The following SCOC variants were observed in gnomAD, a reference collection of about 807,000 sequenced individuals.
The protein encoded by SCOC is short coiled-coil protein, also known as short coiled coil protein.
In SCOC, 7 loss-of-function variants were observed where a neutral mutation model predicts 9.9. The ratio of observed to expected loss-of-function variants is 0.71; its 90% CI spans 0.40 to 1.33. The LOEUF (loss-of-function observed/expected upper bound fraction) is 1.33. Ranked by LOEUF, SCOC falls within the 40% of genes most tolerant of loss-of-function variation. The pLI is 0.01. For synonymous variants in SCOC, 19 were observed against 28.2 expected (o/e 0.67, Z 1.03); for missense variants, 66 against 89.7 (o/e 0.74, Z 1.07).
At chr4:140,286,878 T>C (rs1731286918) in intron 1 of SCOC, among the ~76,000 whole-genome samples, 1 of 152,040 alleles carries the variant, frequency 6.6e-6, no homozygotes, top group Admixed American at 6.5e-5. Context: ...GGGAGGAAAG[T>C]GAGAGAAAGA....
chr4:140,267,759 TC>T (rs1371607906), intron 1 of SCOC, among the ~76,000 whole-genome samples: 1 of 152,122 alleles, frequency 6.6e-6, no homozygotes, highest in Non-Finnish European at 1.5e-5. Context: ...GGTGTCAGCT[TC>T]CTGTCTTTGC....
intron 1 of SCOC, among the ~76,000 whole-genome samples, chr4:140,272,608 C>A (rs1202613057): frequency 6.6e-6 from 1 of 152,188 alleles, no homozygotes; most frequent in East Asian, 1.9e-4. Context: ...ACTGGTATAT[C>A]CACAGCGCCT....
chr4:140,292,343 C>G (rs1213385216), intron 1 of SCOC, among the ~76,000 whole-genome samples: 2 of 152,050 alleles, frequency 1.3e-5, no homozygotes, highest in Non-Finnish European at 2.9e-5. Flanking sequence ...TGCGTGCCAC[C>G]ATGCCCAGCT....
At chr4:140,275,308 T>A (rs1730956213) in intron 1 of SCOC, among the ~76,000 whole-genome samples, 1 of 152,240 alleles carries the variant, frequency 6.6e-6, no homozygotes, top group African/African-American at 2.4e-5. Flanking sequence ...ACATATCACA[T>A]GCTGCCTGGT....
intron 1 of SCOC, among the ~76,000 whole-genome samples, chr4:140,258,203 C>T (rs1022630009): frequency 6.6e-6 from 1 of 152,216 alleles, no homozygotes; most frequent in South Asian, 2.1e-4. Context: ...GGCCCAGACC[C>T]AGGGTGGAAA....
chr4:140,318,190 C>T (rs2126477984), intron 1 of SCOC, among the ~76,000 whole-genome samples: 1 of 146,184 alleles, frequency 6.8e-6, no homozygotes, highest in Non-Finnish European at 1.5e-5. Context: ...ATGTCCAAAA[C>T]ACCAAAAGCA....
At chr4:140,355,201 C>T (rs1364408554) in intron 2 of SCOC, among the ~76,000 whole-genome samples, 2 of 65,256 alleles carry the variant, frequency 3.1e-5, no homozygotes, top group South Asian at 6.8e-4. Context: ...TCAGCCTATA[C>T]ATTATATTTT....
chr4:140,300,073 A>G (rs932648964), intron 1 of SCOC, among the ~76,000 whole-genome samples: 3 of 152,194 alleles, frequency 2.0e-5, no homozygotes, highest in South Asian at 2.1e-4. Context: ...TGGCTCATCT[A>G]ATTGAAGGGA....
chr4:140,267,807 G>C lies in SCOC; in HGVS notation c.-19+10397G>C, dbSNP rs769212033. Among the ~76,000 whole-genome samples, 3 of 152,120 alleles carry C rather than the reference G, an allele frequency of 2.0e-5. No homozygotes were observed. The East Asian group carries it at 5.8e-4, about 29-fold the overall frequency. On this transcript the variant is annotated intron_variant, in intron 1 of 4. Coordinates refer to the SCOC transcript ENST00000394205. ...CTCACCCCACCCTGGCTGGCCTCTC[G>C]GCTCCTCCATCCCTTGTGTAATTGA...
chr4:140,257,964 G>A (rs915168473), intron 1 of SCOC, among the ~76,000 whole-genome samples: 3 of 152,212 alleles, frequency 2.0e-5, no homozygotes, highest in Admixed American at 6.5e-5. Context: ...TGACAAGCTG[G>A]CAGAAACTCC....
rs76591886 is a variant in SCOC at position 140,273,747 on chromosome 4, T to C, written c.-19+16337T>C. Among the ~76,000 whole-genome samples, 1,466 of 152,348 alleles carry C rather than the reference T, an allele frequency of 9.6e-3. 12 individuals carry two copies. Among genetic ancestry groups the C allele is most frequent in the Non-Finnish European group, 0.014 (967 of 68,034 alleles). ...ATTTGTTCATGTTTAAAGAATTATA[T>C]TGTTAAATAAATTTAGCTCTCCAGA... On this transcript the variant is annotated intron_variant, in intron 1 of 4. Coordinates refer to the SCOC transcript ENST00000394205.
intron 1 of SCOC, among the ~76,000 whole-genome samples, chr4:140,375,164 C>T (rs1439298006): frequency 1.3e-5 from 2 of 152,208 alleles, no homozygotes; most frequent in African/African-American, 4.8e-5. Flanking sequence ...CTTCTGTGGT[C>T]TTCAGTAAGC....
At chr4:140,368,140 A>G (rs909523724) in intron 2 of SCOC, among the ~76,000 whole-genome samples, 13 of 152,234 alleles carry the variant, frequency 8.5e-5, no homozygotes, top group Non-Finnish European at 1.8e-4. Context: ...TAAATGAGCA[A>G]AGAATGGAAT....
At chr4:140,310,801 C>T (rs1008371134) in intron 1 of SCOC, among the ~76,000 whole-genome samples, 1 of 152,146 alleles carries the variant, frequency 6.6e-6, no homozygotes. Context: ...TGTGTTTTGC[C>T]CACCTCCTGT....
chr4:140,322,198 T>C (rs1197325924), intron 1 of SCOC, among the ~76,000 whole-genome samples: 1 of 152,240 alleles, frequency 6.6e-6, no homozygotes, highest in Admixed American at 6.5e-5. Flanking sequence ...GAGGTGTTGC[T>C]GTAATAAATA....
intron 1 of SCOC, among the ~76,000 whole-genome samples, chr4:140,260,169 G>A (rs929179612): frequency 6.6e-6 from 1 of 152,210 alleles, no homozygotes; most frequent in Non-Finnish European, 1.5e-5. Context: ...CATATGTCCT[G>A]TGTGGTGAAC....
intron 1 of SCOC, among the ~76,000 whole-genome samples, chr4:140,258,356 G>A (rs910112255): frequency 6.6e-6 from 1 of 152,156 alleles, no homozygotes; most frequent in African/African-American, 2.4e-5. Context: ...GTGTTCCTTG[G>A]TTCTCCTTGA....
chr4:140,360,859 C>T (rs770598455), intron 2 of SCOC: 10 of 152,142 alleles, frequency 6.6e-5, no homozygotes, highest in African/African-American at 2.4e-4. Flanking sequence ...TATTAATGGC[C>T]ATTGACTTCT....
upstream of SCOC, among the ~76,000 whole-genome samples, chr4:140,341,112 C>T (rs1726498716): frequency 6.6e-6 from 1 of 152,014 alleles, no homozygotes; most frequent in Admixed American, 6.6e-5. Flanking sequence ...TTCATTCCCC[C>T]ATCCATTAGG....
Sources: gnomAD v4.1 joint callset for allele counts (sites outside exome capture counted in the v4.1 genomes callset) on GRCh38, gnomAD v4.1.1 for gene constraint, MANE v1.5 for transcripts, NCBI Gene and HGNC (gene_info 2026-07-23, HGNC 2026-07-21) for gene names.